HDAC9: variants seen among roughly 807,000 people sequenced by gnomAD.
HDAC9 encodes histone deacetylase 9, also known as MEF-2 interacting transcription repressor (MITR) protein.
HDAC9 carries 41 observed loss-of-function variants against 139.4 expected under a neutral mutation model. That is an observed-to-expected ratio of 0.29 (90% CI 0.23 to 0.38). The LOEUF (loss-of-function observed/expected upper bound fraction) is 0.38. Ranked by LOEUF, HDAC9 falls within the 10% of genes least tolerant of loss-of-function variation. HDAC9 has a pLI of 1.00. For synonymous variants in HDAC9, 517 were observed against 476.2 expected (o/e 1.09, Z -1.12); for missense variants, 1,147 against 1,297.0 (o/e 0.88, Z 1.78).
intron 2 of HDAC9, among the ~76,000 whole-genome samples, chr7:18,509,810 A>G (rs1363516702): frequency 2.0e-5 from 3 of 151,612 alleles, no homozygotes; most frequent in Non-Finnish European, 4.4e-5. Flanking sequence ...TCTTTAGAAC[A>G]TTTCCACTTT....
intron 2 of HDAC9, among the ~76,000 whole-genome samples, chr7:18,560,452 C>A (rs1820235475): frequency 6.6e-6 from 1 of 152,162 alleles, no homozygotes; most frequent in Non-Finnish European, 1.5e-5. Flanking sequence ...AACCATTGTG[C>A]TACCAACATC....
At chr7:18,519,921 A>G (rs1330168190) in intron 2 of HDAC9, among the ~76,000 whole-genome samples, 1 of 152,166 alleles carries the variant, frequency 6.6e-6, no homozygotes, top group Non-Finnish European at 1.5e-5. Flanking sequence ...AGATATTAAC[A>G]TAGAAGGATG....
intron 22 of HDAC9, among the ~76,000 whole-genome samples, chr7:18,886,912 A>C (rs940481436): frequency 6.6e-6 from 1 of 152,224 alleles, no homozygotes; most frequent in African/African-American, 2.4e-5. Context: ...GATGATTGCT[A>C]TAAGTAAAAT....
intron 1 of HDAC9, among the ~76,000 whole-genome samples, chr7:18,456,294 C>T (rs2128106281): frequency 6.6e-6 from 1 of 152,052 alleles, no homozygotes; most frequent in South Asian, 2.1e-4. Flanking sequence ...TGGAGTGCAG[C>T]AGTGTGATCT....
chr7:18,549,768 T>C (rs928375809), intron 2 of HDAC9, among the ~76,000 whole-genome samples: 3 of 151,668 alleles, frequency 2.0e-5, no homozygotes, highest in Non-Finnish European at 2.9e-5. Flanking sequence ...GGTAAAGTCA[T>C]ATTTTATGCA....
intron 1 of HDAC9, among the ~76,000 whole-genome samples, chr7:18,313,414 T>G (rs1322402976): frequency 6.6e-6 from 1 of 152,210 alleles, no homozygotes; most frequent in Non-Finnish European, 1.5e-5. Flanking sequence ...TTTCAGAATT[T>G]AATATTTTCC....
intron 13 of HDAC9, among the ~76,000 whole-genome samples, chr7:18,734,843 A>T (rs1228276144): frequency 6.6e-6 from 1 of 152,024 alleles, no homozygotes; most frequent in Non-Finnish European, 1.5e-5. Context: ...ACTAGTTTGC[A>T]CTCCCACCAA....
intron 22 of HDAC9, among the ~76,000 whole-genome samples, chr7:18,911,951 T>C (rs536231860): frequency 1.3e-5 from 2 of 152,148 alleles, no homozygotes; most frequent in East Asian, 3.9e-4. Context: ...CATGTACTAA[T>C]GAGAAGAATG....
chr7:18,134,930 C>G (rs1426787208), intron 1 of HDAC9, among the ~76,000 whole-genome samples: 1 of 152,066 alleles, frequency 6.6e-6, no homozygotes, highest in Non-Finnish European at 1.5e-5. Context: ...AACTATGATT[C>G]TGACTTCAAT....
At chr7:18,751,444 T>A (rs1338997403) in intron 14 of HDAC9, among the ~76,000 whole-genome samples, 4 of 152,140 alleles carry the variant, frequency 2.6e-5, no homozygotes, top group Non-Finnish European at 5.9e-5. Context: ...GTTCACCAGG[T>A]GTTTGCTTTC....
At chr7:18,446,420 T>G (rs965127771) in intron 1 of HDAC9, among the ~76,000 whole-genome samples, 4 of 152,212 alleles carry the variant, frequency 2.6e-5, no homozygotes, top group Non-Finnish European at 1.5e-5. Context: ...TTGACAGGAC[T>G]TGAAAACTGG....
chr7:18,973,904 G>C (rs1784399776), intron 24 of HDAC9, among the ~76,000 whole-genome samples: 1 of 152,098 alleles, frequency 6.6e-6, no homozygotes, highest in African/African-American at 2.4e-5. Flanking sequence ...TCTCTCCAAA[G>C]GGATCTTTTA....
chr7:18,923,173 C>T (rs930481977), intron 22 of HDAC9, among the ~76,000 whole-genome samples: 13 of 152,040 alleles, frequency 8.6e-5, no homozygotes, highest in Non-Finnish European at 1.6e-4. Context: ...GATGGTCCCA[C>T]TTTAATAAAG....
At chr7:18,603,775 T>C (rs1834628134) in intron 6 of HDAC9, among the ~76,000 whole-genome samples, 2 of 152,154 alleles carry the variant, frequency 1.3e-5, no homozygotes, top group African/African-American at 4.8e-5. Context: ...CTGACCTATA[T>C]CCTTTTCCTT....
In HDAC9 at chr7:18,824,020, A is replaced by AGAAGAGGAAGAG. The variant is rs201244341; in HGVS notation, c.2323-5123_2323-5112dup. Among the ~76,000 whole-genome samples the AGAAGAGGAAGAG allele has an allele frequency of 5.9e-3, 658 of 111,352 alleles. 11 individuals are homozygous for AGAAGAGGAAGAG. The highest frequency in any genetic ancestry group is 0.012 in the African/African-American group (361 of 29,922). The allele number at this position is 111,352 out of a possible 152,430, so 73.1% of individuals were successfully genotyped here. On this transcript the variant is annotated intron_variant, in intron 17 of 25. Coordinates refer to ENST00000686413, the MANE Select transcript of HDAC9 (RefSeq NM_178425.4). ...AAGGAGAAGGGGAATGGGAAGGGGA[A>AGAAGAGGAAGAG]GAAGAGGAAGAGGAAGAGGAAGAGG...
chr7:18,638,973 A>G (rs1482322825), intron 8 of HDAC9, among the ~76,000 whole-genome samples: 2 of 152,078 alleles, frequency 1.3e-5, no homozygotes, highest in African/African-American at 2.4e-5. Context: ...ATGGATATCA[A>G]CACTATTACT....
At chr7:18,341,966 C>T (rs368897830) in intron 1 of HDAC9, among the ~76,000 whole-genome samples, 10 of 151,780 alleles carry the variant, frequency 6.6e-5, no homozygotes, top group East Asian at 1.9e-4. Context: ...TCTCACTACT[C>T]GGGGAAGCCT....
At chr7:18,255,055 C>T (rs1291250147) in intron 2 of HDAC9, among the ~76,000 whole-genome samples, 1 of 151,900 alleles carries the variant, frequency 6.6e-6, no homozygotes, top group East Asian at 1.9e-4. Flanking sequence ...AGCAAAGAAC[C>T]CTTTTTTATT....
intron 1 of HDAC9, among the ~76,000 whole-genome samples, chr7:18,099,906 G>A (rs527984579): frequency 3.3e-5 from 5 of 152,076 alleles, no homozygotes; most frequent in African/African-American, 1.2e-4. Flanking sequence ...GTATTTACTC[G>A]AGTAGTTACC....
Sources: gnomAD v4.1 joint callset for allele counts (sites outside exome capture counted in the v4.1 genomes callset) on GRCh38, gnomAD v4.1.1 for gene constraint, MANE v1.5 for transcripts, NCBI Gene and HGNC (gene_info 2026-07-23, HGNC 2026-07-21) for gene names.